The following COL19A1 variants were observed in gnomAD, a reference collection of about 807,000 sequenced individuals.
The protein encoded by COL19A1 is collagen type XIX alpha 1 chain.
In COL19A1, 159 loss-of-function variants were observed where a neutral mutation model predicts 190.2. That is an observed-to-expected ratio of 0.84 (90% confidence interval 0.73 to 0.95). The LOEUF (loss-of-function observed/expected upper bound fraction) is 0.95. Ranked by LOEUF, COL19A1 falls within the 40% of genes least tolerant of loss-of-function variation. COL19A1 has a pLI of 0.00. For missense variants in COL19A1, 1,418 were observed against 1,431.9 expected, an observed-to-expected ratio of 0.99 and a Z score of 0.16; for synonymous variants, 509 against 458.9, an observed-to-expected ratio of 1.11 and a Z score of -1.39.
chr6:69,915,558 CTT>C (rs1771235751), intron 4 of COL19A1, among the ~76,000 whole-genome samples: 1 of 152,132 alleles, frequency 6.6e-6, no homozygotes, highest in Admixed American at 6.6e-5. Context: ...ATTAAGTTAA[CTT>C]TGTAGATAAC....
chr6:69,922,717 G>C (rs913084393), intron 4 of COL19A1, among the ~76,000 whole-genome samples: 1 of 152,060 alleles, frequency 6.6e-6, no homozygotes, highest in Non-Finnish European at 1.5e-5. Context: ...CTGACCTCAA[G>C]TGATCTGCCC....
intron 15 of COL19A1, among the ~76,000 whole-genome samples, chr6:70,072,618 CTT>C (rs1781624847): frequency 6.6e-6 from 1 of 152,172 alleles, no homozygotes; most frequent in African/African-American, 2.4e-5. Context: ...CAACCATCCT[CTT>C]GATTGCCTCC....
In COL19A1 at chr6:70,149,718, A is replaced by G; in HGVS notation, c.1908A>G (p.Pro636=). The G allele has an allele frequency of 3.7e-6, 6 of 1,613,648 alleles. No homozygotes were observed. The highest frequency in any genetic ancestry group is 5.1e-6 in the Non-Finnish European group (6 of 1,179,758). The change falls in exon 28 of 51, where the codon CCA becomes CCG. Residue 636 remains proline, a synonymous_variant. Coordinates refer to ENST00000620364, the MANE Select transcript of COL19A1 (RefSeq NM_001858.6). ...TTTGTACTCAGGGCGCCCAAGGACC[A>G]GCTGGAGAGCCAGGTATTCAGGTAA... is the stretch of plus-strand genomic sequence containing the variant. ...GIPGRTGAQG[P]AGEPGIQGPR...
At chr6:70,019,916 A>G (rs1350114529) in intron 11 of COL19A1, among the ~76,000 whole-genome samples, 1 of 152,032 alleles carries the variant, frequency 6.6e-6, no homozygotes, top group Non-Finnish European at 1.5e-5. Context: ...TACTATTGTC[A>G]ATTTTCTATT....
intron 14 of COL19A1, among the ~76,000 whole-genome samples, chr6:70,046,687 T>A (rs1779936975): frequency 6.6e-6 from 1 of 151,658 alleles, no homozygotes; most frequent in African/African-American, 2.4e-5. Context: ...TAAATTAAAA[T>A]GTCTTTAATC....
intron 1 of COL19A1, among the ~76,000 whole-genome samples, chr6:69,869,603 A>G (rs60306811): frequency 0.017 from 2,570 of 152,312 alleles, 71 homozygotes; most frequent in African/African-American, 0.057. Context: ...CATATATTAT[A>G]TATTAATTTA....
chr6:69,970,138 G>A lies in COL19A1; in HGVS notation c.1026+7268G>A, dbSNP rs6904623. The stretch of plus-strand genomic sequence containing the variant: ...GTAAATATATGGAGAGGTGAAAAAA[G>A]GGGCCATTTTATAATAAATCTAACA... On this transcript the variant is annotated intron_variant, in intron 11 of 50. Coordinates refer to ENST00000620364, the MANE Select transcript of COL19A1 (RefSeq NM_001858.6). Among the ~76,000 whole-genome samples the A allele has an allele frequency of 8.2e-3, 1,243 of 152,106 alleles. 19 individuals are homozygous for A. Among genetic ancestry groups the A allele is most frequent in the African/African-American group, 0.026 (1,067 of 41,486 alleles).
intron 11 of COL19A1, among the ~76,000 whole-genome samples, chr6:70,001,052 G>T (rs192580025): frequency 6.6e-6 from 1 of 152,254 alleles, no homozygotes; most frequent in East Asian, 1.9e-4. Context: ...TGTATAAGGT[G>T]TAAGAAAGGG....
intron 41 of COL19A1, among the ~76,000 whole-genome samples, chr6:70,175,865 T>C (rs1020727895): frequency 2.0e-5 from 3 of 152,176 alleles, no homozygotes; most frequent in African/African-American, 7.2e-5. Flanking sequence ...AAATCAAGCC[T>C]TTTATGTCCC....
At chr6:70,197,155 T>A (rs1335290495) in intron 48 of COL19A1, among the ~76,000 whole-genome samples, 1 of 151,982 alleles carries the variant, frequency 6.6e-6, no homozygotes, top group Non-Finnish European at 1.5e-5. Flanking sequence ...TCTCAGTGGC[T>A]CACGCCTGTA....
chr6:70,112,997 T>C (rs1393960156), intron 16 of COL19A1, among the ~76,000 whole-genome samples: 1 of 152,298 alleles, frequency 6.6e-6, no homozygotes. Context: ...TCATTCAACA[T>C]CCAGAGCTGC....
At chr6:69,964,015 T>C (rs1774954796) in intron 11 of COL19A1, among the ~76,000 whole-genome samples, 1 of 152,220 alleles carries the variant, frequency 6.6e-6, no homozygotes, top group Non-Finnish European at 1.5e-5. Context: ...TTCTTTTGTT[T>C]AATAACTCTT....
At chr6:69,953,087 A>T (rs1189834385) in intron 9 of COL19A1, among the ~76,000 whole-genome samples, 1 of 152,028 alleles carries the variant, frequency 6.6e-6, no homozygotes, top group African/African-American at 2.4e-5. Context: ...TGCCTAATGC[A>T]TGTGACAATT....
At chr6:70,119,819 G>T (rs144162366) in intron 16 of COL19A1, among the ~76,000 whole-genome samples, 6 of 152,192 alleles carry the variant, frequency 3.9e-5, no homozygotes, top group African/African-American at 1.4e-4. Flanking sequence ...GGCCGGGCCC[G>T]CTGGCTCACG....
At chr6:69,874,443 C>T (rs950170884) in intron 1 of COL19A1, among the ~76,000 whole-genome samples, 7 of 152,150 alleles carry the variant, frequency 4.6e-5, no homozygotes, top group Admixed American at 3.3e-4. Context: ...CCTCAAATAG[C>T]GAACACATTT....
chr6:69,959,777 C>T (rs1774657069), intron 9 of COL19A1, among the ~76,000 whole-genome samples: 1 of 152,140 alleles, frequency 6.6e-6, no homozygotes, highest in Non-Finnish European at 1.5e-5. Flanking sequence ...TGACATGTTA[C>T]CAAACCTCTC....
chr6:69,869,456 C>T (rs1245893299), intron 1 of COL19A1, among the ~76,000 whole-genome samples: 1 of 151,954 alleles, frequency 6.6e-6, no homozygotes, highest in Non-Finnish European at 1.5e-5. Context: ...CGTTATGAAG[C>T]ACAAAGGATT....
chr6:70,033,786 C>T (rs1779199723), intron 12 of COL19A1, among the ~76,000 whole-genome samples: 1 of 152,108 alleles, frequency 6.6e-6, no homozygotes, highest in African/African-American at 2.4e-5. Context: ...AAGAATACAT[C>T]TTTCATTCCT....
intron 11 of COL19A1, among the ~76,000 whole-genome samples, chr6:70,017,508 A>G (rs565928655): frequency 6.6e-6 from 1 of 152,156 alleles, no homozygotes; most frequent in African/African-American, 2.4e-5. Flanking sequence ...ACTGTTAGCT[A>G]AACAATAAAA....
Sources: allele counts gnomAD v4.1 joint callset (sites outside exome capture counted in the v4.1 genomes callset), GRCh38; gene constraint gnomAD v4.1.1; transcripts MANE v1.5; gene names NCBI Gene and HGNC (gene_info 2026-07-23, HGNC 2026-07-21).